The following CHLSN variants were observed in gnomAD, a reference collection of about 807,000 sequenced individuals.
CHLSN encodes the protein protein cholesin.
At chr7:982,591 CT>C in the CHLSN span, among the ~76,000 whole-genome samples, 4 of 152,272 alleles carry the variant, frequency 2.6e-5, no homozygotes, top group South Asian at 2.1e-4. Context: ...AAGGAGCAGG[CT>C]GCTACCTGGG....
chr7:1,072,185 A>G, the CHLSN span, among the ~76,000 whole-genome samples: 251 of 152,308 alleles, frequency 1.6e-3, 1 homozygote, highest in African/African-American at 5.8e-3. Context: ...ATGGTCCTGG[A>G]GCCGTAAGCA....
the CHLSN span, among the ~76,000 whole-genome samples, chr7:1,062,316 A>T: frequency 1.3e-5 from 2 of 152,206 alleles, no homozygotes; most frequent in Non-Finnish European, 1.5e-5. Flanking sequence ...AGCACACGAC[A>T]GAGGGAAAGC....
the CHLSN span, among the ~76,000 whole-genome samples, chr7:1,047,904 C>G: frequency 2.6e-5 from 4 of 152,220 alleles, no homozygotes; most frequent in African/African-American, 9.6e-5. Context: ...CCTTTTACGT[C>G]ACTGAATACA....
At chr7:1,130,908 C>T in the CHLSN span, among the ~76,000 whole-genome samples, 1 of 152,214 alleles carries the variant, frequency 6.6e-6, no homozygotes, top group African/African-American at 2.4e-5. Flanking sequence ...GTAAAACAGT[C>T]CAGGCATAGT....
At chr7:1,023,629 AC>A in the CHLSN span, among the ~76,000 whole-genome samples, 7 of 23,998 alleles carry the variant, frequency 2.9e-4, no homozygotes, top group African/African-American at 1.1e-3. The surrounding 1 kb of genome is among the most constrained non-coding windows in gnomAD (Gnocchi z 5.0). Flanking sequence ...CAGGAAACAC[AC>A]ACACACACAC....
the CHLSN span, chr7:1,010,276 C>A: frequency 2.6e-6 from 2 of 768,048 alleles, no homozygotes; most frequent in Admixed American, 3.1e-5. Context: ...TGGGTCTGGC[C>A]CCAGCCGACA....
the CHLSN span, chr7:1,057,667 C>T: frequency 3.9e-6 from 3 of 770,904 alleles, no homozygotes; most frequent in South Asian, 1.4e-5. Flanking sequence ...CTGGTGCTGG[C>T]CAACCTACAC....
chr7:1,020,619 A>G, the CHLSN span, among the ~76,000 whole-genome samples: 2 of 152,194 alleles, frequency 1.3e-5, no homozygotes, highest in African/African-American at 2.4e-5. Context: ...AAGATGATGT[A>G]AGGAAATGAA....
At chr7:1,136,386 A>G in the CHLSN span, among the ~76,000 whole-genome samples, 1 of 36,752 alleles carries the variant, frequency 2.7e-5, no homozygotes, top group East Asian at 4.9e-4. Flanking sequence ...ATAAATATAT[A>G]AACATATATA....
the CHLSN span, among the ~76,000 whole-genome samples, chr7:1,117,894 G>C: frequency 6.6e-6 from 1 of 152,176 alleles, no homozygotes; most frequent in African/African-American, 2.4e-5. Context: ...GGCTGGCCCT[G>C]AACTCCTGAG....
the CHLSN span, chr7:986,693 G>C: frequency 6.2e-7 from 1 of 1,612,622 alleles, no homozygotes; most frequent in Non-Finnish European, 8.5e-7. Flanking sequence ...CAAGATCGAG[G>C]AGGTCCGTGC....
chr7:1,013,244 G>A, the CHLSN span, among the ~76,000 whole-genome samples: 1 of 152,202 alleles, frequency 6.6e-6, no homozygotes, highest in Non-Finnish European at 1.5e-5. Flanking sequence ...CAAAGAACGC[G>A]GGTTTCACTA....
chr7:1,046,005 G>T, the CHLSN span, among the ~76,000 whole-genome samples: 1 of 152,250 alleles, frequency 6.6e-6, no homozygotes, highest in Non-Finnish European at 1.5e-5. Context: ...GCCCCAGTAG[G>T]CTGATGAAGA....
chr7:1,013,616 C>T, the CHLSN span, among the ~76,000 whole-genome samples: 1 of 152,172 alleles, frequency 6.6e-6, no homozygotes, highest in African/African-American at 2.4e-5. Flanking sequence ...GGCTTTGAGC[C>T]GACGCTGTCA....
the CHLSN span, among the ~76,000 whole-genome samples, chr7:1,073,583 G>A: frequency 2.0e-5 from 3 of 152,090 alleles, no homozygotes; most frequent in Non-Finnish European, 4.4e-5. Context: ...CATGAAAACA[G>A]AAGCTCCGTG....
the CHLSN span, among the ~76,000 whole-genome samples, chr7:1,002,807 T>G: frequency 7.5e-5 from 2 of 26,840 alleles, no homozygotes; most frequent in Non-Finnish European, 1.4e-4. Flanking sequence ...TGGAGTCCTG[T>G]GGGTGGGGAG....
At chr7:1,127,321 GC>G in the CHLSN span, 10 of 1,610,750 alleles carry the variant, frequency 6.2e-6, no homozygotes, top group Admixed American at 3.4e-5. Flanking sequence ...CTCTGCTGAC[GC>G]CTTCTTCAGC....
the CHLSN span, among the ~76,000 whole-genome samples, chr7:1,068,723 T>C: frequency 6.6e-6 from 1 of 152,140 alleles, no homozygotes; most frequent in African/African-American, 2.4e-5. Flanking sequence ...GTCTGCAACA[T>C]AGCTTGTTTT....
chr7:1,010,420 C>T, the CHLSN span, among the ~76,000 whole-genome samples: 1 of 152,236 alleles, frequency 6.6e-6, no homozygotes, highest in Non-Finnish European at 1.5e-5. Flanking sequence ...CCACCTCCCA[C>T]AGACTCCCGG....
Sources: allele counts gnomAD v4.1 joint callset (sites outside exome capture counted in the v4.1 genomes callset), GRCh38; gene constraint gnomAD v4.1.1; non-coding constraint Gnocchi (gnomAD v3.1); transcripts MANE v1.5; gene names NCBI Gene and HGNC (gene_info 2026-07-23, HGNC 2026-07-21).